SCFD1: variants seen among roughly 807,000 people sequenced by gnomAD.
The protein encoded by SCFD1 is sec1 family domain-containing protein 1.
In SCFD1, 37 loss-of-function variants were observed where a neutral mutation model predicts 103.2. The observed-to-expected ratio is 0.36, with a 90% CI of 0.28 to 0.47. The LOEUF (loss-of-function observed/expected upper bound fraction) is 0.47. Ranked by LOEUF, SCFD1 falls within the 20% of genes least tolerant of loss-of-function variation. SCFD1 has a pLI of 1.00. For missense variants in SCFD1, 639 were observed against 761.2 expected (o/e 0.84, Z 1.89); for synonymous variants, 264 against 245.0 (o/e 1.08, Z -0.73).
intron 10 of SCFD1, among the ~76,000 whole-genome samples, chr14:30,668,631 A>C (rs570836828): frequency 2.6e-5 from 4 of 152,330 alleles, no homozygotes; most frequent in African/African-American, 9.6e-5. Context: ...AATGGGAGAA[A>C]ATTTTTACAA....
chr14:30,679,767 A>G (rs1466673556), intron 14 of SCFD1, among the ~76,000 whole-genome samples: 1 of 152,014 alleles, frequency 6.6e-6, no homozygotes, highest in Non-Finnish European at 1.5e-5. Flanking sequence ...TTACTGAACT[A>G]GAAGTCAGAA....
intron 10 of SCFD1, among the ~76,000 whole-genome samples, chr14:30,663,805 T>C (rs1887663187): frequency 6.6e-6 from 1 of 152,232 alleles, no homozygotes; most frequent in Non-Finnish European, 1.5e-5. Context: ...CATATTTATG[T>C]ATAACTTTGG....
intron 10 of SCFD1, among the ~76,000 whole-genome samples, chr14:30,659,353 A>G (rs1392950491): frequency 6.6e-6 from 1 of 152,056 alleles, no homozygotes; most frequent in African/African-American, 2.4e-5. Context: ...TTTTCTTTTC[A>G]TATTTAAGTC....
intron 15 of SCFD1, among the ~76,000 whole-genome samples, chr14:30,697,722 C>T (rs1890792792): frequency 6.6e-6 from 1 of 152,124 alleles, no homozygotes; most frequent in Non-Finnish European, 1.5e-5. Context: ...TAAATCTAAT[C>T]ATGAGGAAAT....
chr14:30,710,521 T>G (rs1891800099), intron 19 of SCFD1, among the ~76,000 whole-genome samples: 1 of 152,130 alleles, frequency 6.6e-6, no homozygotes, highest in Non-Finnish European at 1.5e-5. Context: ...TACTCAGGCT[T>G]ACCTAAGCTT....
At chr14:30,638,391 G>A (rs1884948473) in intron 5 of SCFD1, 144 bp downstream of exon 5, 9 of 1,175,188 alleles carry the variant, frequency 7.7e-6, no homozygotes, top group East Asian at 3.0e-5. Flanking sequence ...AAAGAGTTCT[G>A]ATAATATAAA....
At chr14:30,732,534 T>TC (rs1893548591) in intron 23 of SCFD1, among the ~76,000 whole-genome samples, 1 of 152,228 alleles carries the variant, frequency 6.6e-6, no homozygotes, top group African/African-American at 2.4e-5. Flanking sequence ...TCCTAATCTT[T>TC]TCCCTACCAT....
At chr14:30,641,611 A>G (rs1254072900) in intron 6 of SCFD1, among the ~76,000 whole-genome samples, 1 of 152,218 alleles carries the variant, frequency 6.6e-6, no homozygotes, top group Non-Finnish European at 1.5e-5. Flanking sequence ...ATATCCCCTG[A>G]ATTCACATAA....
chr14:30,636,722 C>T (rs1049520538), intron 4 of SCFD1, among the ~76,000 whole-genome samples: 6 of 151,924 alleles, frequency 3.9e-5, no homozygotes, highest in Non-Finnish European at 8.8e-5. Context: ...TTCCAAATTA[C>T]GATTAGCTTG....
At chr14:30,680,430 C>T (rs1442284251) in intron 14 of SCFD1, among the ~76,000 whole-genome samples, 1 of 152,064 alleles carries the variant, frequency 6.6e-6, no homozygotes, top group Non-Finnish European at 1.5e-5. Context: ...CCACATTCTA[C>T]AGAGGAGCTG....
chr14:30,640,669 C>T (rs1302876826), intron 6 of SCFD1, among the ~76,000 whole-genome samples: 1 of 151,704 alleles, frequency 6.6e-6, no homozygotes, highest in Non-Finnish European at 1.5e-5. Context: ...TTAATAAATT[C>T]AGAATATTAA....
At chr14:30,624,168 TC>T (rs1883144895) in intron 1 of SCFD1, among the ~76,000 whole-genome samples, 1 of 152,192 alleles carries the variant, frequency 6.6e-6, no homozygotes, top group African/African-American at 2.4e-5. Context: ...TCTCCTTTCT[TC>T]CTGGTTCACT....
intron 14 of SCFD1, among the ~76,000 whole-genome samples, chr14:30,683,802 A>G (rs964155271): frequency 2.0e-5 from 3 of 152,232 alleles, no homozygotes; most frequent in Non-Finnish European, 4.4e-5. Context: ...GGAGAAAGGA[A>G]TATTGAGTTC....
chr14:30,708,991 T>C (rs1161622903), intron 19 of SCFD1, among the ~76,000 whole-genome samples: 1 of 152,220 alleles, frequency 6.6e-6, no homozygotes, highest in Non-Finnish European at 1.5e-5. Flanking sequence ...CAAACTCTCC[T>C]GAATCCTTCA....
intron 19 of SCFD1, among the ~76,000 whole-genome samples, chr14:30,711,230 A>C (rs1221653370): frequency 6.6e-6 from 1 of 152,232 alleles, no homozygotes. Flanking sequence ...AGCAGTGAAA[A>C]TCCATAGATT....
intron 23 of SCFD1, chr14:30,722,842 C>CAAAAA: frequency 5.5e-6 from 1 of 181,112 alleles, no homozygotes. Flanking sequence ...GACCTCTTCC[C>CAAAAA]AAAAAAAAAA....
chr14:30,728,716 C>T (rs1031197066), intron 23 of SCFD1, among the ~76,000 whole-genome samples: 1 of 152,160 alleles, frequency 6.6e-6, no homozygotes, highest in Non-Finnish European at 1.5e-5. Flanking sequence ...TTCTCCACTT[C>T]ATTACTAACA....
intron 10 of SCFD1, among the ~76,000 whole-genome samples, chr14:30,657,462 T>G (rs1887017666): frequency 6.6e-6 from 1 of 152,210 alleles, no homozygotes; most frequent in East Asian, 1.9e-4. Flanking sequence ...CAATTTTTAT[T>G]TCCTACTATT....
chr14:30,717,292 G>A (rs1361980663), intron 20 of SCFD1, among the ~76,000 whole-genome samples: 3 of 152,020 alleles, frequency 2.0e-5, no homozygotes, highest in African/African-American at 7.3e-5. Context: ...CCTAGGCCAT[G>A]TGGTGAAACC....
Sources: allele counts gnomAD v4.1 joint callset (sites outside exome capture counted in the v4.1 genomes callset), GRCh38; gene constraint gnomAD v4.1.1; transcripts MANE v1.5; gene names NCBI Gene and HGNC (gene_info 2026-07-23, HGNC 2026-07-21).